The following KCNH7 variants were observed in gnomAD, a reference collection of about 807,000 sequenced individuals.
The protein encoded by KCNH7 is potassium voltage-gated channel subfamily H member 7.
KCNH7 carries 49 observed loss-of-function variants against 120.8 expected under a neutral mutation model. The ratio of observed to expected loss-of-function variants is 0.41; its 90% confidence interval spans 0.32 to 0.51. The LOEUF is 0.51. KCNH7 is among the 20% of genes least tolerant of loss of function. The pLI is 0.38. For synonymous variants in KCNH7, 547 were observed against 516.1 expected, an observed-to-expected ratio of 1.06 and a Z score of -0.81; for missense variants, 1,097 against 1,446.6, an observed-to-expected ratio of 0.76 and a Z score of 3.92.
intron 2 of KCNH7, among the ~76,000 whole-genome samples, chr2:162,823,057 G>A (rs972955577): frequency 1.3e-5 from 2 of 152,170 alleles, no homozygotes; most frequent in African/African-American, 4.8e-5. Context: ...ACGTGAACAG[G>A]AGATGGGTGA....
chr2:162,645,587 C>T (rs76192788), intron 2 of KCNH7, among the ~76,000 whole-genome samples: 7,188 of 152,248 alleles, frequency 0.047, 225 homozygotes, highest in Middle Eastern at 0.13. Context: ...TTAAAGAAGA[C>T]ATTGCTCTTC....
At chr2:162,798,407 G>A (rs1331790602) in intron 2 of KCNH7, among the ~76,000 whole-genome samples, 1 of 151,994 alleles carries the variant, frequency 6.6e-6, no homozygotes, top group Non-Finnish European at 1.5e-5. Context: ...GGATTCTTAG[G>A]AGATACACAT....
At chr2:162,696,325 A>C (rs938026156) in intron 2 of KCNH7, among the ~76,000 whole-genome samples, 1 of 152,206 alleles carries the variant, frequency 6.6e-6, no homozygotes, top group African/African-American at 2.4e-5. Context: ...AAATAGGATA[A>C]GTAGTATTGC....
intron 2 of KCNH7, among the ~76,000 whole-genome samples, chr2:162,730,548 A>G (rs1251010422): frequency 6.6e-6 from 1 of 152,062 alleles, no homozygotes; most frequent in East Asian, 1.9e-4. Flanking sequence ...ACAAATCTGA[A>G]TAACAAATGA....
chr2:162,659,160 GT>G (rs1209480827), intron 2 of KCNH7, among the ~76,000 whole-genome samples: 1 of 152,104 alleles, frequency 6.6e-6, no homozygotes, highest in Non-Finnish European at 1.5e-5. Flanking sequence ...TTTGGTGAGA[GT>G]TTTTATCATG....
intron 2 of KCNH7, among the ~76,000 whole-genome samples, chr2:162,590,003 A>T (rs990149201): frequency 2.0e-5 from 3 of 152,066 alleles, no homozygotes; most frequent in Non-Finnish European, 2.9e-5. Flanking sequence ...CATGCATGGT[A>T]TATGGAAAAT....
chr2:162,720,819 C>T (rs997331011), intron 2 of KCNH7, among the ~76,000 whole-genome samples: 2 of 152,064 alleles, frequency 1.3e-5, no homozygotes, highest in African/African-American at 4.8e-5. Context: ...TGAGTGACTC[C>T]TTTGTTGAGT....
At chr2:162,621,228 G>A (rs1244934930) in intron 2 of KCNH7, among the ~76,000 whole-genome samples, 1 of 95,264 alleles carries the variant, frequency 1.0e-5, no homozygotes, top group East Asian at 3.2e-4. Flanking sequence ...TTTTTCCTCT[G>A]CTTCACAATC....
intron 2 of KCNH7, among the ~76,000 whole-genome samples, chr2:162,692,080 T>C (rs549595932): frequency 9.2e-5 from 14 of 152,212 alleles, no homozygotes; most frequent in Admixed American, 2.6e-4. Context: ...ACAATGACAT[T>C]GGCATTGTGT....
intron 3 of KCNH7, among the ~76,000 whole-genome samples, chr2:162,525,635 T>A (rs1446364359): frequency 6.6e-6 from 1 of 152,022 alleles, no homozygotes; most frequent in Non-Finnish European, 1.5e-5. Flanking sequence ...GATTTCTTCA[T>A]TTTGTAAATG....
intron 2 of KCNH7, among the ~76,000 whole-genome samples, chr2:162,663,370 T>C (rs1685033128): frequency 6.6e-6 from 1 of 152,260 alleles, no homozygotes; most frequent in South Asian, 2.1e-4. Context: ...CATCTGTTTC[T>C]TTTTCATATT....
chr2:162,812,550 G>A (rs1421039471), intron 2 of KCNH7, among the ~76,000 whole-genome samples: 1 of 152,036 alleles, frequency 6.6e-6, no homozygotes, highest in Non-Finnish European at 1.5e-5. Context: ...TATGCCAAGA[G>A]GAATGGGACT....
intron 2 of KCNH7, among the ~76,000 whole-genome samples, chr2:162,705,772 T>C (rs1190611811): frequency 6.6e-6 from 1 of 152,094 alleles, no homozygotes; most frequent in Non-Finnish European, 1.5e-5. Flanking sequence ...CAGCAGAAAG[T>C]TGGTACTTGG....
intron 2 of KCNH7, among the ~76,000 whole-genome samples, chr2:162,752,918 G>GAAAAGAAAAGAA (rs1688620558): frequency 1.8e-5 from 1 of 54,824 alleles, no homozygotes; most frequent in African/African-American, 1.1e-4. Context: ...GAAAAGAAAA[G>GAAAAGAAAAGAA]AAAAGAAAAG....
chr2:162,684,882 T>C (rs1487822621), intron 2 of KCNH7, among the ~76,000 whole-genome samples: 1 of 152,118 alleles, frequency 6.6e-6, no homozygotes, highest in Non-Finnish European at 1.5e-5. Context: ...CATTCTACTA[T>C]AAAGACACAT....
At chr2:162,418,706 A>G (rs1409830936) in intron 9 of KCNH7, among the ~76,000 whole-genome samples, 1 of 152,186 alleles carries the variant, frequency 6.6e-6, no homozygotes, top group Non-Finnish European at 1.5e-5. Context: ...CTCTGTGTTA[A>G]TAGTGGAGAC....
At chr2:162,529,824 C>T (rs16846834) in intron 3 of KCNH7, among the ~76,000 whole-genome samples, 31,827 of 151,656 alleles carry the variant, frequency 0.21, 6,321 homozygotes, top group African/African-American at 0.52. Context: ...ATTTTTTAGA[C>T]TGCAAACTTT....
chr2:162,484,652 T>A (rs370364801), intron 6 of KCNH7, among the ~76,000 whole-genome samples: 39 of 152,290 alleles, frequency 2.6e-4, no homozygotes, highest in African/African-American at 8.4e-4. Context: ...TGAAATTTGA[T>A]CCCCAGTGTT....
intron 8 of KCNH7, among the ~76,000 whole-genome samples, chr2:162,425,962 C>A (rs1687848009): frequency 6.6e-6 from 1 of 151,884 alleles, no homozygotes; most frequent in Non-Finnish European, 1.5e-5. Context: ...GCCTGTAATC[C>A]CAGCACTTTG....
Sources: allele counts gnomAD v4.1 joint callset (sites outside exome capture counted in the v4.1 genomes callset), GRCh38; gene constraint gnomAD v4.1.1; transcripts MANE v1.5; gene names NCBI Gene and HGNC (gene_info 2026-07-23, HGNC 2026-07-21).